Variants in TOP6BL observed in about 807,000 individuals in gnomAD.
The protein encoded by TOP6BL is TOP6B like initiator of meiotic double strand breaks.
At chr11:66,795,362 C>T in the TOP6BL span, among the ~76,000 whole-genome samples, 10 of 148,904 alleles carry the variant, frequency 6.7e-5, no homozygotes, top group African/African-American at 2.5e-4. Context: ...AGTGCAGGGG[C>T]ACCATCTTGG....
the TOP6BL span, among the ~76,000 whole-genome samples, chr11:66,798,376 G>C: frequency 2.0e-5 from 3 of 152,050 alleles, no homozygotes; most frequent in East Asian, 5.8e-4. Context: ...GACTTGGGCG[G>C]ATTGCTTGAG....
chr11:66,821,098 T>C, the TOP6BL span, among the ~76,000 whole-genome samples: 1 of 152,196 alleles, frequency 6.6e-6, no homozygotes, highest in Non-Finnish European at 1.5e-5. Flanking sequence ...CTACTGAACA[T>C]TTCTAAAGAA....
chr11:66,811,872 AT>A, the TOP6BL span, among the ~76,000 whole-genome samples: 1 of 152,174 alleles, frequency 6.6e-6, no homozygotes, highest in East Asian at 1.9e-4. Flanking sequence ...GAGCACAGGA[AT>A]TTGAGGCTGC....
At chr11:66,787,921 AT>A in the TOP6BL span, among the ~76,000 whole-genome samples, 1 of 152,230 alleles carries the variant, frequency 6.6e-6, no homozygotes, top group Non-Finnish European at 1.5e-5. Context: ...ATAAAAATTG[AT>A]TTAGCAAATG....
chr11:66,774,125 C>T, the TOP6BL span, among the ~76,000 whole-genome samples: 1 of 152,126 alleles, frequency 6.6e-6, no homozygotes, highest in Non-Finnish European at 1.5e-5. Flanking sequence ...TGCTAACCAG[C>T]TGACTTTAAT....
the TOP6BL span, among the ~76,000 whole-genome samples, chr11:66,796,764 C>T: frequency 2.9e-5 from 4 of 139,916 alleles, no homozygotes; most frequent in Non-Finnish European, 6.1e-5. Flanking sequence ...GCCTAGGTGA[C>T]AGAGCGAGAC....
At chr11:66,785,205 C>T in the TOP6BL span, among the ~76,000 whole-genome samples, 2 of 152,018 alleles carry the variant, frequency 1.3e-5, no homozygotes, top group South Asian at 2.1e-4. Flanking sequence ...GTGATCCACC[C>T]GTCTTAACCT....
the TOP6BL span, among the ~76,000 whole-genome samples, chr11:66,770,916 T>C: frequency 1.1e-4 from 16 of 152,120 alleles, no homozygotes; most frequent in Non-Finnish European, 1.6e-4. Flanking sequence ...TTATTATTAT[T>C]TTTTCATTCT....
the TOP6BL span, among the ~76,000 whole-genome samples, chr11:66,832,731 C>T: frequency 6.6e-6 from 1 of 152,236 alleles, no homozygotes; most frequent in African/African-American, 2.4e-5. Context: ...AAGCCGCTGT[C>T]CACGCCTTGC....
the TOP6BL span, among the ~76,000 whole-genome samples, chr11:66,801,932 C>G: frequency 6.6e-6 from 1 of 152,218 alleles, no homozygotes; most frequent in Non-Finnish European, 1.5e-5. Flanking sequence ...TGCCATTTAA[C>G]TACCACAGAA....
chr11:66,758,354 C>G, the TOP6BL span: 1 of 128,790 alleles, frequency 7.8e-6, no homozygotes, highest in Non-Finnish European at 1.4e-5. Flanking sequence ...CTCTGTCGCC[C>G]AGGCTGGAGT....
the TOP6BL span, among the ~76,000 whole-genome samples, chr11:66,806,522 C>T: frequency 1.3e-5 from 2 of 152,172 alleles, no homozygotes; most frequent in Non-Finnish European, 2.9e-5. Flanking sequence ...AATCCCAGCA[C>T]TTTGGGAGGC....
chr11:66,765,621 T>C, the TOP6BL span, among the ~76,000 whole-genome samples: 2 of 152,196 alleles, frequency 1.3e-5, no homozygotes, highest in Non-Finnish European at 2.9e-5. Context: ...GTTCAAGAAA[T>C]TCTCCTGCCT....
At chr11:66,827,767 C>T in the TOP6BL span, among the ~76,000 whole-genome samples, 2 of 151,692 alleles carry the variant, frequency 1.3e-5, no homozygotes, top group Non-Finnish European at 2.9e-5. Flanking sequence ...GAGTTCGAAA[C>T]CAGCCTTGCC....
At chr11:66,759,064 T>C in the TOP6BL span, 1 of 1,570,792 alleles carries the variant, frequency 6.4e-7, no homozygotes, top group Non-Finnish European at 8.7e-7. Context: ...GGAAGCCTTT[T>C]TGGTGGCATG....
the TOP6BL span, among the ~76,000 whole-genome samples, chr11:66,787,593 G>T: frequency 2.1e-3 from 313 of 148,914 alleles, no homozygotes; most frequent in African/African-American, 7.3e-3. Flanking sequence ...GGTGGTGCAT[G>T]CCTCTAATCC....
chr11:66,759,784 G>A, the TOP6BL span, among the ~76,000 whole-genome samples: 9 of 152,142 alleles, frequency 5.9e-5, no homozygotes, highest in East Asian at 9.7e-4. Context: ...GGGTTTCACC[G>A]TGTTGCCATG....
At chr11:66,768,938 C>T in the TOP6BL span, among the ~76,000 whole-genome samples, 1 of 152,204 alleles carries the variant, frequency 6.6e-6, no homozygotes, top group East Asian at 1.9e-4. Flanking sequence ...TTTTATTCAG[C>T]AGCCCATGAG....
At chr11:66,806,427 C>T in the TOP6BL span, among the ~76,000 whole-genome samples, 1 of 152,050 alleles carries the variant, frequency 6.6e-6, no homozygotes, top group Non-Finnish European at 1.5e-5. Context: ...TTGTTATTGT[C>T]ATATGATTGA....
Sources: allele counts gnomAD v4.1 joint callset (sites outside exome capture counted in the v4.1 genomes callset), GRCh38; gene constraint gnomAD v4.1.1; transcripts MANE v1.5; gene names NCBI Gene and HGNC (gene_info 2026-07-23, HGNC 2026-07-21).